GFOD1: variants seen among roughly 807,000 people sequenced by gnomAD.
GFOD1 encodes glucose-fructose oxidoreductase domain-containing protein 1.
Under a neutral mutation model 25.4 loss-of-function variants are expected in GFOD1, and 9 were observed. The ratio of observed to expected loss-of-function variants is 0.35; its 90% CI spans 0.21 to 0.62. The LOEUF (loss-of-function observed/expected upper bound fraction) is 0.62. Ranked by LOEUF, GFOD1 falls within the 20% of genes least tolerant of loss-of-function variation. The pLI is 0.72. For synonymous variants in GFOD1, 253 were observed against 245.6 expected, an observed-to-expected ratio of 1.03 and a Z score of -0.28; for missense variants, 403 against 556.9, an observed-to-expected ratio of 0.72 and a Z score of 2.78.
chr6:13,402,470 T>C (rs1785865209), intron 1 of GFOD1, among the ~76,000 whole-genome samples: 1 of 152,094 alleles, frequency 6.6e-6, no homozygotes, highest in African/African-American at 2.4e-5. Flanking sequence ...TGTAAATAAC[T>C]TAACAATTCA....
Position 13,482,891 on chromosome 6 carries a change from C to T in GFOD1, c.253+3747G>A, listed in dbSNP as rs571308476. Among the ~76,000 whole-genome samples the T allele has an allele frequency of 1.7e-4, 26 of 151,088 alleles. No homozygotes were observed. In the South Asian group the frequency reaches 5.4e-3, roughly 32 times the overall value. Reference sequence around the variant, plus strand: ...TGTGTATCTCTATGTAAAATATATGCATATATTTTATGTTATATATACATC... The same window carrying T: ...TGTGTATCTCTATGTAAAATATATGTATATATTTTATGTTATATATACATC... On this transcript the variant is annotated intron_variant, in intron 1 of 1. Coordinates refer to ENST00000379287, the MANE Select transcript of GFOD1 (RefSeq NM_018988.4).
intron 1 of GFOD1, among the ~76,000 whole-genome samples, chr6:13,424,102 C>T (rs1786309866): frequency 6.6e-6 from 1 of 152,096 alleles, no homozygotes; most frequent in Admixed American, 6.5e-5. Flanking sequence ...AGGTGATCCA[C>T]CCGCCTCAGC....
rs949448680 is a variant in GFOD1 at position 13,365,842 on chromosome 6, G to A, written c.254-180C>T. ...GGAGGAGGCCTTGAGCCCAGGAGTT[G>A]GAGGCCAGCCTGGGTAACACAGAGA... On this transcript the variant is annotated intron_variant, in intron 1 of 1. Coordinates refer to ENST00000379287, the MANE Select transcript of GFOD1 (RefSeq NM_018988.4). The surrounding 1 kb of genome is among the most constrained non-coding windows in gnomAD (Gnocchi z 9.2). 6.6e-6 allele frequency among the ~76,000 whole-genome samples: 1 copy of A among 150,526 alleles called. No individual in the cohort carries two copies. Among genetic ancestry groups the A allele is most frequent in the Non-Finnish European group, 1.5e-5 (1 of 67,756 alleles).
rs748305101 is a variant in GFOD1 at position 13,381,915 on chromosome 6, G to GCGCGCGCACA, written c.254-16254_254-16253insTGTGCGCGCG. Among the ~76,000 whole-genome samples the GCGCGCGCACA allele has an allele frequency of 2.1e-5, 3 of 140,052 alleles. 1 individual carries two copies. 91.9% of individuals were successfully genotyped at this position (140,052 alleles called of 152,430 possible). On this transcript the variant is annotated intron_variant, in intron 1 of 1. Transcript: ENST00000379287. ...AGAAATAAAACACACACGCGCGCGC[G>GCGCGCGCACA]CACACACACACACACACACACACAC...
chr6:13,459,365 ATTAAAGAC>A (rs972052383), intron 1 of GFOD1, among the ~76,000 whole-genome samples: 3 of 127,608 alleles, frequency 2.4e-5, no homozygotes, highest in African/African-American at 8.1e-5. Flanking sequence ...CTCAAGATGG[ATTAAAGAC>A]TTAAATATAA....
chr6:13,448,798 G>A (rs538076158), intron 1 of GFOD1, among the ~76,000 whole-genome samples: 1 of 152,278 alleles, frequency 6.6e-6, no homozygotes, highest in Non-Finnish European at 1.5e-5. Flanking sequence ...GAAACCTGGT[G>A]GACAGAGATC....
At chr6:13,479,077 G>GA (rs1037812728) in intron 1 of GFOD1, among the ~76,000 whole-genome samples, 1 of 144,238 alleles carries the variant, frequency 6.9e-6, no homozygotes, top group African/African-American at 2.5e-5. Flanking sequence ...AAAAAAAAAA[G>GA]AAAAAATTTA....
chr6:13,486,933 A>G lies in GFOD1; in HGVS notation c.-43T>C. On this transcript the variant is annotated 5_prime_UTR_variant, in exon 1 of 2. Transcript: ENST00000379287. Reference sequence around the variant, plus strand: ...TGGTTCTGCTTCTGCTCGGATCTCCAGTCCAACGCGCGCACACACCCACCT... The same window carrying G: ...TGGTTCTGCTTCTGCTCGGATCTCCGGTCCAACGCGCGCACACACCCACCT... 6.3e-7 allele frequency: 1 copy of G among 1,587,172 alleles called. No individual in the cohort carries two copies. The highest frequency in any genetic ancestry group is 2.2e-5 in the East Asian group (1 of 44,742).
chr6:13,443,309 C>T (rs1330411304), intron 1 of GFOD1, among the ~76,000 whole-genome samples: 2 of 152,192 alleles, frequency 1.3e-5, no homozygotes, highest in Non-Finnish European at 2.9e-5. Context: ...GTTGAAGATG[C>T]TCTGAACACT....
intron 1 of GFOD1, among the ~76,000 whole-genome samples, chr6:13,426,556 C>T (rs1180242391): frequency 1.3e-5 from 2 of 152,122 alleles, no homozygotes; most frequent in Non-Finnish European, 2.9e-5. Flanking sequence ...CTTAAACGCC[C>T]GGGAAGCGGC....
intron 1 of GFOD1, among the ~76,000 whole-genome samples, chr6:13,371,057 C>A (rs1264441149): frequency 6.6e-6 from 1 of 152,176 alleles, no homozygotes; most frequent in Non-Finnish European, 1.5e-5. Context: ...GCACTCTCTC[C>A]CATTTAATGT....
chr6:13,408,126 T>A (rs1336855500), intron 1 of GFOD1: 1 of 983,904 alleles, frequency 1.0e-6, no homozygotes, highest in African/African-American at 1.7e-5. Context: ...CCACATAGAG[T>A]CTTTATGAAG....
intron 1 of GFOD1, among the ~76,000 whole-genome samples, chr6:13,410,005 G>GTTT (rs56252038): frequency 0.019 from 2,305 of 121,546 alleles, 135 homozygotes; most frequent in East Asian, 0.18. Context: ...CGGATTTTTA[G>GTTT]TTTTTTTTTT....
At chr6:13,392,677 G>C (rs1661055191) in intron 1 of GFOD1, among the ~76,000 whole-genome samples, 1 of 152,072 alleles carries the variant, frequency 6.6e-6, no homozygotes, top group Admixed American at 6.6e-5. Flanking sequence ...ACTGACTCTT[G>C]TCATTTCATA....
At chr6:13,436,503 C>T (rs1212659351) in intron 1 of GFOD1, among the ~76,000 whole-genome samples, 2 of 152,184 alleles carry the variant, frequency 1.3e-5, no homozygotes, top group Non-Finnish European at 2.9e-5. Context: ...CTTTCCATAT[C>T]AGCATATGCA....
chr6:13,421,919 G>A (rs898291129), intron 1 of GFOD1, among the ~76,000 whole-genome samples: 2 of 152,170 alleles, frequency 1.3e-5, no homozygotes, highest in Non-Finnish European at 2.9e-5. Context: ...ATAAAGCAAC[G>A]GCTGCGTTTT....
At chr6:13,484,806 GT>G (rs1387476303) in intron 1 of GFOD1, among the ~76,000 whole-genome samples, 2 of 152,144 alleles carry the variant, frequency 1.3e-5, no homozygotes, top group Non-Finnish European at 1.5e-5. Context: ...CCTGCTCTAG[GT>G]TTGCTCTGTG....
chr6:13,470,295 G>A (rs777057393), intron 1 of GFOD1: 1 of 1,586,182 alleles, frequency 6.3e-7, no homozygotes, highest in Non-Finnish European at 8.6e-7. Flanking sequence ...GCAGGCTGTG[G>A]CTGGAGGCCC....
At chr6:13,370,223 TTGCTCC>T (rs1785123678) in intron 1 of GFOD1, among the ~76,000 whole-genome samples, 1 of 152,186 alleles carries the variant, frequency 6.6e-6, no homozygotes, top group Admixed American at 6.5e-5. Flanking sequence ...CCAGGTCTTC[TTGCTCC>T]ATTTGCTCAA....
Sources: gnomAD v4.1 joint callset for allele counts (sites outside exome capture counted in the v4.1 genomes callset) on GRCh38, gnomAD v4.1.1 for gene constraint, Gnocchi (gnomAD v3.1) non-coding constraint, MANE v1.5 for transcripts, NCBI Gene and HGNC (gene_info 2026-07-23, HGNC 2026-07-21) for gene names.